HMCN1: variants seen among roughly 807,000 people sequenced by gnomAD.
HMCN1 encodes the protein hemicentin 1, also known as hemicentin-1.
In HMCN1, 321 loss-of-function variants were observed where a neutral mutation model predicts 625.9. The ratio of observed to expected loss-of-function variants is 0.51; its 90% CI spans 0.47 to 0.56. The LOEUF (loss-of-function observed/expected upper bound fraction) is 0.56, where lower values mean the gene tolerates loss of function less well. Ranked by LOEUF, HMCN1 falls within the 20% of genes least tolerant of loss-of-function variation. HMCN1 has a pLI of 0.00. For synonymous variants in HMCN1, 2,425 were observed against 2,417.6 expected (o/e 1.00, Z -0.09); for missense variants, 6,588 against 6,887.3 (o/e 0.96, Z 1.54).
intron 85 of HMCN1, among the ~76,000 whole-genome samples, chr1:186,131,741 T>G (rs1661945732): frequency 6.6e-6 from 1 of 152,138 alleles, no homozygotes; most frequent in African/African-American, 2.4e-5. Flanking sequence ...AAATTGAAAT[T>G]TATTTAGTGC....
intron 11 of HMCN1, among the ~76,000 whole-genome samples, chr1:185,957,819 G>A (rs1383357867): frequency 1.3e-5 from 2 of 152,140 alleles, no homozygotes; most frequent in African/African-American, 2.4e-5. Context: ...TCTCAAGATG[G>A]TTGATGAAGT....
chr1:185,776,643 T>G (rs935809566), intron 1 of HMCN1, among the ~76,000 whole-genome samples: 1 of 152,172 alleles, frequency 6.6e-6, no homozygotes, highest in Non-Finnish European at 1.5e-5. Flanking sequence ...GAAAGCTTGG[T>G]AAAATAAATA....
In HMCN1 at chr1:186,094,326, C is replaced by T; in HGVS notation, c.10247C>T (p.Ser3416Phe). Reference sequence around the variant, plus strand: ...GTCGCTGTGTATACTTGTGTGGCCTCCAACAGAGCTGGGGTGGATAATAAG... The same window carrying T: ...GTCGCTGTGTATACTTGTGTGGCCTTCAACAGAGCTGGGGTGGATAATAAG... ...SDVAVYTCVASNRAGVDNKHY... is the reference protein window; with the variant it reads ...SDVAVYTCVAFNRAGVDNKHY... The change falls in exon 67 of 107, where the codon TCC (serine) becomes TTC (phenylalanine). Residue 3416 changes from serine (S) to phenylalanine (F), a missense_variant. Ser to Phe is a radical substitution (Grantham distance 155). Around this residue, in one of 3 missense-constraint regions of HMCN1, gnomAD observed 4,628 missense variants for 4,853.1 expected, o/e 0.95. Coordinates refer to ENST00000271588, the MANE Select transcript of HMCN1 (RefSeq NM_031935.3). 1 of 1,613,308 alleles carries T rather than the reference C, an allele frequency of 6.2e-7. No individual in the cohort carries two copies. Among genetic ancestry groups the T allele is most frequent in the South Asian group, 1.1e-5 (1 of 91,072 alleles).
chr1:186,063,067 C>CGTATATATATATATATATAT (rs1491268573), intron 48 of HMCN1, among the ~76,000 whole-genome samples: 5 of 59,854 alleles, frequency 8.4e-5, no homozygotes, highest in African/African-American at 3.8e-4. Context: ...TGTGTGTGTG[C>CGTATATATATATATATATAT]ATATATATAT....
chr1:185,949,367 C>A (rs377409065), intron 11 of HMCN1, among the ~76,000 whole-genome samples: 20 of 151,772 alleles, frequency 1.3e-4, no homozygotes, highest in African/African-American at 4.8e-4. Flanking sequence ...TAAAAAGGAG[C>A]GTGTATACAG....
chr1:185,774,003 G>A (rs1489139619), intron 1 of HMCN1, among the ~76,000 whole-genome samples: 2 of 152,132 alleles, frequency 1.3e-5, no homozygotes, highest in Non-Finnish European at 2.9e-5. Flanking sequence ...AAAGCTATGC[G>A]TGGAGCTCAG....
chr1:185,977,049 A>G (rs540350662), intron 15 of HMCN1, among the ~76,000 whole-genome samples: 2 of 151,852 alleles, frequency 1.3e-5, no homozygotes, highest in South Asian at 2.1e-4. Flanking sequence ...ATGTATTTCT[A>G]TGTCTTCCTC....
At position 185,985,383 on chromosome 1, in the gene HMCN1, T is replaced by TA. The variant is rs1336031507; in HGVS notation, c.2935+1071dup. Among the ~76,000 whole-genome samples the TA allele has an allele frequency of 5.9e-5, 9 of 152,250 alleles. No homozygotes were observed. In the South Asian group the frequency reaches 1.9e-3, roughly 32 times the overall value. ...GTGCTTATAGACTAGTTTAAGAATC[T>TA]AGTGTGGGAGTGCCCTCATGTTATC... On this transcript the variant is annotated intron_variant, in intron 19 of 106. Coordinates refer to ENST00000271588, the MANE Select transcript of HMCN1 (RefSeq NM_031935.3).
intron 42 of HMCN1, 134 bp from the exon 43 acceptor site, chr1:186,052,818 T>C (rs1325737668): frequency 1.3e-6 from 1 of 751,554 alleles, no homozygotes; most frequent in Admixed American, 2.1e-5. Context: ...ACTTTTAATT[T>C]GATGTTGATG....
At chr1:185,855,255 G>A (rs1318011922) in intron 2 of HMCN1, among the ~76,000 whole-genome samples, 3 of 152,152 alleles carry the variant, frequency 2.0e-5, no homozygotes, top group South Asian at 2.1e-4. Context: ...CAGGGCAATG[G>A]CAGTGTCTTA....
chr1:186,107,839 A>G (rs951450231), intron 70 of HMCN1, among the ~76,000 whole-genome samples: 2 of 152,120 alleles, frequency 1.3e-5, no homozygotes, highest in African/African-American at 4.8e-5. Flanking sequence ...TTCCTAGAAG[A>G]GTTGGGCCAG....
At chr1:186,000,266 G>A in intron 26 of HMCN1, 27 bp downstream of exon 26, 1 of 1,545,906 alleles carries the variant, frequency 6.5e-7, no homozygotes, top group Non-Finnish European at 8.9e-7. Flanking sequence ...TCATGTAACT[G>A]ACTGTTTGCC....
chr1:185,946,932 A>G (rs922071898), intron 11 of HMCN1, among the ~76,000 whole-genome samples: 18 of 152,214 alleles, frequency 1.2e-4, no homozygotes, highest in African/African-American at 3.6e-4. Flanking sequence ...TTTGCCATTA[A>G]GAGTCTGTCA....
intron 2 of HMCN1, among the ~76,000 whole-genome samples, chr1:185,850,615 C>T (rs1232842923): frequency 6.6e-6 from 1 of 152,066 alleles, no homozygotes; most frequent in Non-Finnish European, 1.5e-5. Context: ...AGGCCTCCCT[C>T]CACCCTCTGG....
chr1:186,050,422 T>C (rs1021148933), intron 42 of HMCN1, among the ~76,000 whole-genome samples: 9 of 151,732 alleles, frequency 5.9e-5, no homozygotes, highest in Middle Eastern at 3.4e-3. Context: ...GTGTACCATA[T>C]AAGAAGAGAG....
chr1:185,766,588 C>G (rs1411666896), intron 1 of HMCN1, among the ~76,000 whole-genome samples: 2 of 152,036 alleles, frequency 1.3e-5, no homozygotes, highest in African/African-American at 2.4e-5. Flanking sequence ...AAGTTTTAGC[C>G]AATCACTGGT....
intron 11 of HMCN1, among the ~76,000 whole-genome samples, chr1:185,950,057 G>A (rs538892711): frequency 2.0e-5 from 3 of 151,836 alleles, no homozygotes; most frequent in Non-Finnish European, 4.4e-5. Context: ...AATCAAGCGT[G>A]ATCAGGGTGA....
intron 11 of HMCN1, among the ~76,000 whole-genome samples, chr1:185,945,704 G>A (rs1015843741): frequency 6.6e-6 from 1 of 152,158 alleles, no homozygotes; most frequent in Non-Finnish European, 1.5e-5. Flanking sequence ...CTAGGAAGAA[G>A]TCAGGACAGT....
intron 55 of HMCN1, among the ~76,000 whole-genome samples, chr1:186,080,229 G>A (rs1659081953): frequency 6.6e-6 from 1 of 152,136 alleles, no homozygotes. Context: ...GTGGCATTGA[G>A]TATTTTCTTT....
Sources: gnomAD v4.1 joint callset for allele counts (sites outside exome capture counted in the v4.1 genomes callset) on GRCh38, gnomAD v4.1.1 for gene constraint, gnomAD v4.1.1 regional missense constraint, MANE v1.5 for transcripts, NCBI Gene and HGNC (gene_info 2026-07-23, HGNC 2026-07-21) for gene names.